The following ATXN1 variants were observed in gnomAD, a reference collection of about 807,000 sequenced individuals.
ATXN1 encodes the protein ataxin-1.
Under a neutral mutation model 56.4 loss-of-function variants are expected in ATXN1, and 8 were observed. The observed-to-expected ratio is 0.14, with a 90% confidence interval of 0.08 to 0.26. ATXN1 has a LOEUF of 0.26. Ranked by LOEUF, ATXN1 falls within the 10% of genes least tolerant of loss-of-function variation. The pLI, the probability that ATXN1 is intolerant of heterozygous loss-of-function variation, is 1.00. For missense variants in ATXN1, 987 were observed against 1,106.5 expected (o/e 0.89, Z 1.53); for synonymous variants, 514 against 494.6 (o/e 1.04, Z -0.52).
chr6:16,432,173 C>T (rs1490517370), intron 6 of ATXN1, among the ~76,000 whole-genome samples: 2 of 152,206 alleles, frequency 1.3e-5, no homozygotes, highest in Non-Finnish European at 2.9e-5. Context: ...TCCTCTGTCA[C>T]TGGTTATTGC....
At position 16,305,274 on chromosome 6, in the gene ATXN1, GA is replaced by G. The variant is rs372773233; in HGVS notation, c.*1054del. Reference sequence around the variant, plus strand: ...AATTCCTCATGTCACACTGGAATCTGAAAAAAAAAAAAAGTGGCACCCGAGT... The same window carrying G: ...AATTCCTCATGTCACACTGGAATCTGAAAAAAAAAAAAGTGGCACCCGAGT... On this transcript the variant is annotated 3_prime_UTR_variant, in exon 8 of 8. Coordinates refer to ENST00000436367, the MANE Select transcript of ATXN1 (RefSeq NM_001128164.2). The G allele has an allele frequency of 4.2e-3, 597 of 141,464 alleles. 5 individuals carry two copies. Among genetic ancestry groups the G allele is most frequent in the African/African-American group, 0.011 (428 of 38,016 alleles). The allele number at this position is 141,464 out of a possible 1,614,324, so 8.8% of individuals were successfully genotyped here.
intron 3 of ATXN1, among the ~76,000 whole-genome samples, chr6:16,594,717 G>A (rs1015955218): frequency 1.3e-5 from 2 of 152,102 alleles, no homozygotes; most frequent in African/African-American, 2.4e-5. Context: ...TCTTGACCTC[G>A]TGATCCGCCT....
intron 5 of ATXN1, among the ~76,000 whole-genome samples, chr6:16,516,847 CT>C (rs1429988975): frequency 1.3e-5 from 2 of 152,200 alleles, no homozygotes; most frequent in Non-Finnish European, 2.9e-5. Flanking sequence ...ACAAGAGCCT[CT>C]TGAAGACAGT....
intron 2 of ATXN1, among the ~76,000 whole-genome samples, chr6:16,721,427 G>A (rs1225364108): frequency 6.6e-6 from 1 of 152,168 alleles, no homozygotes; most frequent in East Asian, 1.9e-4. Context: ...GGGAGTTCGA[G>A]ACCAGCCTGG....
chr6:16,518,978 T>C (rs1256664616), intron 5 of ATXN1, among the ~76,000 whole-genome samples: 1 of 152,174 alleles, frequency 6.6e-6, no homozygotes, highest in Non-Finnish European at 1.5e-5. Flanking sequence ...ATTAGGAAAA[T>C]AATTTCTTGA....
At chr6:16,430,805 T>C (rs1302606707) in intron 6 of ATXN1, among the ~76,000 whole-genome samples, 1 of 152,130 alleles carries the variant, frequency 6.6e-6, no homozygotes, top group Non-Finnish European at 1.5e-5. Flanking sequence ...CTAACTCTCT[T>C]GACTGAGTCA....
rs188644299 is a variant in ATXN1, at chr6:16,589,685, C to T, written c.-488-3778G>A. ...CAGAGCTCAGTATACTGGAAGCACTCCATAAATATTAATTGTACAGCCATT... is the reference window on the plus strand; with the variant it reads ...CAGAGCTCAGTATACTGGAAGCACTTCATAAATATTAATTGTACAGCCATT... On this transcript the variant is annotated intron_variant, in intron 3 of 7. Transcript: ENST00000436367. 1.8e-4 allele frequency among the ~76,000 whole-genome samples: 27 copies of T among 152,250 alleles called. No homozygotes were observed. In the East Asian group the frequency reaches 5.2e-3, roughly 29 times the overall value.
chr6:16,652,387 C>G (rs1758079548), intron 3 of ATXN1, among the ~76,000 whole-genome samples: 1 of 152,120 alleles, frequency 6.6e-6, no homozygotes, highest in South Asian at 2.1e-4. Context: ...GTAAACGATA[C>G]AAGTGACACA....
In ATXN1 at chr6:16,466,935, T is replaced by C. The variant is rs188546623; in HGVS notation, c.-161+19037A>G. The stretch of plus-strand genomic sequence containing the variant: ...ACTCAAGTTTCCAATAACGTCTTCC[T>C]CGCTGAGGGTAGAATAGTCAGTGCC... On this transcript the variant is annotated intron_variant, in intron 6 of 7. Coordinates refer to ENST00000436367, the MANE Select transcript of ATXN1 (RefSeq NM_001128164.2). Among the ~76,000 whole-genome samples, 887 of 152,342 alleles carry C rather than the reference T, an allele frequency of 5.8e-3. 33 individuals carry two copies. The highest frequency in any genetic ancestry group is 0.049 in the Admixed American group (745 of 15,304).
intron 4 of ATXN1, among the ~76,000 whole-genome samples, chr6:16,571,044 T>C (rs1352667633): frequency 6.6e-6 from 1 of 152,176 alleles, no homozygotes; most frequent in Non-Finnish European, 1.5e-5. Context: ...TGGAGCTCTG[T>C]TGAGGGTTAC....
chr6:16,450,017 A>C (rs1174528749), intron 6 of ATXN1, among the ~76,000 whole-genome samples: 1 of 152,230 alleles, frequency 6.6e-6, no homozygotes, highest in Admixed American at 6.5e-5. Context: ...AATCTAACAT[A>C]CATTATGCTA....
intron 4 of ATXN1, among the ~76,000 whole-genome samples, chr6:16,552,256 G>T (rs772874221): frequency 2.2e-4 from 34 of 152,164 alleles, no homozygotes; most frequent in Non-Finnish European, 3.8e-4. Flanking sequence ...ACTCACACTT[G>T]TCTTTCTAAC....
intron 6 of ATXN1, among the ~76,000 whole-genome samples, chr6:16,333,140 A>G (rs1761030462): frequency 6.6e-6 from 1 of 152,228 alleles, no homozygotes; most frequent in African/African-American, 2.4e-5. Flanking sequence ...GTGATGCTCC[A>G]CTGCTTCCTC....
intron 6 of ATXN1, among the ~76,000 whole-genome samples, chr6:16,469,307 C>T (rs971514275): frequency 6.6e-6 from 1 of 152,118 alleles, no homozygotes; most frequent in Non-Finnish European, 1.5e-5. Flanking sequence ...GTGATACTTG[C>T]AGTAATAATG....
intron 5 of ATXN1, among the ~76,000 whole-genome samples, chr6:16,487,923 A>G (rs1355820815): frequency 6.6e-6 from 1 of 152,202 alleles, no homozygotes; most frequent in Non-Finnish European, 1.5e-5. Flanking sequence ...AACAGTCTGT[A>G]TTATACGAAC....
chr6:16,683,607 T>C (rs570060556), intron 2 of ATXN1, among the ~76,000 whole-genome samples: 2 of 152,342 alleles, frequency 1.3e-5, no homozygotes, highest in Non-Finnish European at 1.5e-5. Flanking sequence ...AAAGTGTTTA[T>C]GACAGACAGA....
At chr6:16,307,680 A>G (rs1393311399) in intron 7 of ATXN1, among the ~76,000 whole-genome samples, 2 of 151,762 alleles carry the variant, frequency 1.3e-5, no homozygotes, top group Non-Finnish European at 2.9e-5. Context: ...CGTCTCAAAA[A>G]AAAAAAAAAA....
At chr6:16,554,068 C>G (rs1363824565) in intron 4 of ATXN1, among the ~76,000 whole-genome samples, 3 of 152,178 alleles carry the variant, frequency 2.0e-5, no homozygotes, top group South Asian at 2.1e-4. Flanking sequence ...TCTTTTATGA[C>G]ACAGATACTT....
At chr6:16,461,642 G>T (rs995540693) in intron 6 of ATXN1, among the ~76,000 whole-genome samples, 1 of 152,350 alleles carries the variant, frequency 6.6e-6, no homozygotes, top group South Asian at 2.1e-4. Flanking sequence ...GACGGAGAAG[G>T]CTCAGGAAGT....
Sources: allele counts gnomAD v4.1 joint callset (sites outside exome capture counted in the v4.1 genomes callset), GRCh38; gene constraint gnomAD v4.1.1; transcripts MANE v1.5; gene names NCBI Gene and HGNC (gene_info 2026-07-23, HGNC 2026-07-21).